The following SSH1 variants were observed in gnomAD, a reference collection of about 807,000 sequenced individuals.
SSH1 encodes slingshot protein phosphatase 1, also known as protein phosphatase Slingshot homolog 1.
SSH1 carries 43 observed loss-of-function variants against 79.7 expected under a neutral mutation model. The ratio of observed to expected loss-of-function variants is 0.54; its 90% CI spans 0.42 to 0.70. The LOEUF is 0.70. Ranked by LOEUF, SSH1 falls within the 30% of genes least tolerant of loss-of-function variation. The pLI is 0.00. For synonymous variants in SSH1, 599 were observed against 538.3 expected (o/e 1.11, Z -1.56); for missense variants, 1,206 against 1,358.8 (o/e 0.89, Z 1.77).
chr12:108,826,024 C>T (rs1593099240), intron 2 of SSH1: 5 of 421,848 alleles, frequency 1.2e-5, no homozygotes, highest in South Asian at 8.5e-5. Flanking sequence ...ATCAGTTCAT[C>T]GAAGCAGCTG....
At chr12:108,850,873 T>C (rs1252018162) in intron 2 of SSH1, among the ~76,000 whole-genome samples, 7 of 130,460 alleles carry the variant, frequency 5.4e-5, no homozygotes, top group Non-Finnish European at 1.2e-4. Context: ...TGGGGGAGAT[T>C]TGGGGGGAAG....
At chr12:108,816,905 G>T in intron 5 of SSH1, 133 bp downstream of exon 5, 1 of 1,374,348 alleles carries the variant, frequency 7.3e-7, no homozygotes, top group Non-Finnish European at 1.0e-6. Flanking sequence ...GTTCCCAGTG[G>T]CTCGACTCCC....
chr12:108,813,439 TGTG>T (rs1430463444), intron 5 of SSH1, among the ~76,000 whole-genome samples: 1 of 151,060 alleles, frequency 6.6e-6, no homozygotes, highest in African/African-American at 2.4e-5. Context: ...CCTGCTCGGG[TGTG>T]GTGGCTCATA....
At chr12:108,844,709 T>C (rs1229741305) in intron 2 of SSH1, among the ~76,000 whole-genome samples, 1 of 152,202 alleles carries the variant, frequency 6.6e-6, no homozygotes, top group Non-Finnish European at 1.5e-5. Context: ...TTAAAGGCGG[T>C]AAGACAGTCA....
At chr12:108,839,317 G>A (rs1283002092) in intron 2 of SSH1, among the ~76,000 whole-genome samples, 1 of 152,186 alleles carries the variant, frequency 6.6e-6, no homozygotes, top group African/African-American at 2.4e-5. Flanking sequence ...TGCTGTAGGG[G>A]CAGCCAACAG....
At chr12:108,851,455 A>AT (rs929752767) in intron 2 of SSH1, among the ~76,000 whole-genome samples, 7 of 151,276 alleles carry the variant, frequency 4.6e-5, no homozygotes, top group African/African-American at 1.2e-4. Flanking sequence ...AAAACAGACT[A>AT]TTTTTTTTTA....
At chr12:108,855,502 T>TA (rs1337440751) in intron 1 of SSH1, among the ~76,000 whole-genome samples, 1 of 152,130 alleles carries the variant, frequency 6.6e-6, no homozygotes, top group Non-Finnish European at 1.5e-5. Flanking sequence ...GGTATGTAAC[T>TA]AAAAAATAAT....
At chr12:108,814,211 G>A (rs973555839) in intron 5 of SSH1, among the ~76,000 whole-genome samples, 6 of 152,162 alleles carry the variant, frequency 3.9e-5, no homozygotes, top group Admixed American at 3.9e-4. Context: ...GTGATAGAGT[G>A]AGACCCCATC....
In SSH1 at chr12:108,787,011, C is replaced by G. The variant is rs4964757; in HGVS notation, c.*977G>C. On this transcript the variant is annotated 3_prime_UTR_variant, in exon 15 of 15. Coordinates refer to ENST00000326495, the MANE Select transcript of SSH1 (RefSeq NM_018984.4). ...CATCCGGGAAGCATCCCGACAGTCC[C>G]GTTCCTTTCGGGGAAGCCGCTGAAA... 8.6e-5 allele frequency: 13 copies of G among 152,022 alleles called. No homozygotes were observed. Among genetic ancestry groups the G allele is most frequent in the African/African-American group, 3.1e-4 (13 of 41,384 alleles). The allele number at this position is 152,022 out of a possible 1,614,324, so 9.4% of individuals were successfully genotyped here. A position where few individuals can be genotyped will look rare whatever the true frequency, so the allele number is the denominator to read the frequency against.
intron 2 of SSH1, among the ~76,000 whole-genome samples, chr12:108,846,711 G>A (rs1017979595): frequency 6.6e-6 from 1 of 152,168 alleles, no homozygotes; most frequent in East Asian, 1.9e-4. Context: ...AATGTAGCCG[G>A]GTAAAGGAGG....
chr12:108,844,617 G>A (rs1397878522), intron 2 of SSH1, among the ~76,000 whole-genome samples: 6 of 152,196 alleles, frequency 3.9e-5, no homozygotes, highest in Non-Finnish European at 7.3e-5. Context: ...GCATGCACCC[G>A]AGTGAGCCTT....
In SSH1 at chr12:108,807,756, GCTACA is replaced by G. The variant is rs1162716218; in HGVS notation, c.603_607del (p.Val202SerfsTer8). On this transcript the variant is annotated frameshift_variant, in exon 8 of 15. Coordinates refer to ENST00000326495, the MANE Select transcript of SSH1 (RefSeq NM_018984.4). LOFTEE classifies it high-confidence loss of function. The surrounding 1 kb of genome is among the most constrained non-coding windows in gnomAD (Gnocchi z 5.2). ...CTCATAGTAGGTAGCCCAGATGAGA[GCTACA>G]CCCCCGGGGAAGTAGTTGTGCCTCC... The G allele has an allele frequency of 6.2e-7, 1 of 1,613,500 alleles. No homozygotes were observed. Among genetic ancestry groups the G allele is most frequent in the Non-Finnish European group, 8.5e-7 (1 of 1,179,800 alleles).
At chr12:108,819,162 T>C (rs1457628939) in intron 3 of SSH1, among the ~76,000 whole-genome samples, 1 of 152,240 alleles carries the variant, frequency 6.6e-6, no homozygotes, top group East Asian at 1.9e-4. Flanking sequence ...GTATGCTGGT[T>C]GCCCAGAGAA....
rs577332594 is a variant in SSH1 at position 108,835,557 on chromosome 12, C to T, written c.111-12196G>A. On this transcript the variant is annotated intron_variant, in intron 2 of 14. Coordinates refer to ENST00000326495, the MANE Select transcript of SSH1 (RefSeq NM_018984.4). ...AGGCAGGAGTGTAACTCTGAAACCT[C>T]TGCTCTTAGGCACTGGCTTTCAGCT... Among the ~76,000 whole-genome samples the T allele has an allele frequency of 1.3e-3, 200 of 152,342 alleles. 1 individual carries two copies. The highest frequency in any genetic ancestry group is 4.7e-3 in the African/African-American group (196 of 41,574).
At chr12:108,842,722 T>C (rs368800222) in intron 2 of SSH1, among the ~76,000 whole-genome samples, 3 of 152,240 alleles carry the variant, frequency 2.0e-5, no homozygotes, top group South Asian at 4.1e-4. Flanking sequence ...TTCTGATGCA[T>C]AGGGAGGAGG....
rs373841432 is a variant in SSH1 at position 108,792,837 on chromosome 12, G to A, written c.1350-8C>T. ...TTGTTGTGCCGCTGTTTGCTGCGGG[G>A]AGAGAGGGTAGAGGAAGGTGAGGGG... On this transcript the variant is annotated splice_region_variant and splice_polypyrimidine_tract_variant and intron_variant, in intron 13 of 14. Transcript: ENST00000326495. 2.5e-6 allele frequency: 4 copies of A among 1,613,030 alleles called. No individual in the cohort carries two copies. The highest frequency in any genetic ancestry group is 2.5e-6 in the Non-Finnish European group (3 of 1,180,018).
chr12:108,797,284 G>A (rs1025501946), intron 13 of SSH1, among the ~76,000 whole-genome samples: 20 of 151,690 alleles, frequency 1.3e-4, no homozygotes, highest in Non-Finnish European at 2.6e-4. Context: ...ACGCCACCAC[G>A]CTGGGCTTTT....
rs1159364510 is a variant in SSH1, at chr12:108,786,544, TTC to T, written c.*1442_*1443del. The T allele has an allele frequency of 2.6e-5, 4 of 152,324 alleles. No individual in the cohort carries two copies. The highest frequency in any genetic ancestry group is 5.9e-5 in the Non-Finnish European group (4 of 68,032). 9.4% of individuals were successfully genotyped at this position (152,324 alleles called of 1,614,324 possible). A position where few individuals can be genotyped will look rare whatever the true frequency, so the allele number is the denominator to read the frequency against. On this transcript the variant is annotated 3_prime_UTR_variant, in exon 15 of 15. Transcript: ENST00000326495. ...CCTCAGGCTTTGTGGGCCACATGAA[TTC>T]TGTCACATATTATTTCTTTTTTTTA...
At chr12:108,797,837 C>T (rs138024121) in intron 13 of SSH1, among the ~76,000 whole-genome samples, 2 of 152,212 alleles carry the variant, frequency 1.3e-5, no homozygotes, top group African/African-American at 4.8e-5. Flanking sequence ...GAGCACCAGA[C>T]AAGAATTCAG....
Sources: allele counts gnomAD v4.1 joint callset (sites outside exome capture counted in the v4.1 genomes callset), GRCh38; gene constraint gnomAD v4.1.1; non-coding constraint Gnocchi (gnomAD v3.1); transcripts MANE v1.5; gene names NCBI Gene and HGNC (gene_info 2026-07-23, HGNC 2026-07-21).